The following KLK8 variants were observed in gnomAD, a reference collection of about 807,000 sequenced individuals.
KLK8 encodes the protein kallikrein related peptidase 8, also known as kallikrein-8.
In KLK8, 18 loss-of-function variants were observed where a neutral mutation model predicts 26.7. The observed-to-expected ratio is 0.67, with a 90% CI of 0.47 to 1.00. KLK8 has a LOEUF of 1.00. Among genes scored for constraint, KLK8 ranks in the 50% least tolerant of loss-of-function variants. The pLI is 0.00. For missense variants in KLK8, 301 were observed against 331.7 expected, an observed-to-expected ratio of 0.91 and a Z score of 0.72; for synonymous variants, 137 against 127.1, an observed-to-expected ratio of 1.08 and a Z score of -0.52.
Position 50,997,839 on chromosome 19 carries a change from G to A in KLK8, c.539C>T (p.Pro180Leu), listed in dbSNP as rs548525957. The A allele has an allele frequency of 9.3e-6, 15 of 1,614,138 alleles. No homozygotes were observed. The South Asian group carries it at 1.3e-4, about 14-fold the overall frequency. ...GTAAGCATCCTCACACTTCTTCTGG[G>A]GAAAGATTTTTACTTCTGCACAGTT... is the stretch of plus-strand genomic sequence containing the variant. Residue 180 changes from proline to leucine, a missense_variant, in exon 6 of 7, where the codon CCC becomes CTC. Pro to Leu is a moderately conservative substitution (Grantham distance 98). Coordinates refer to ENST00000600767, the Ensembl canonical transcript of KLK8.
chr19:50,997,645 C>T (rs1654539), intron 6 of KLK8, 106 bp downstream of exon 5: 594,280 of 1,365,966 alleles, frequency 0.44, 133,606 homozygotes, highest in African/African-American at 0.63. Flanking sequence ...CTCCGGGTGC[C>T]AAGTCTTTGG....
At chr19:50,997,990 CA>C in intron 5 of KLK8, 106 bp from the exon 5 acceptor site, 1 of 1,421,594 alleles carries the variant, frequency 7.0e-7, no homozygotes, top group Non-Finnish European at 9.7e-7. Context: ...GGGAGTTTTC[CA>C]GCTGCATGGG....
At chr19:51,000,331 A>G in intron 4 of KLK8, 73 bp from the exon 4 acceptor site, 1 of 1,533,496 alleles carries the variant, frequency 6.5e-7, no homozygotes, top group Non-Finnish European at 8.8e-7. Context: ...CAGACCCAGG[A>G]GTCCAGTCCT....
chr19:51,001,311 G>C (rs2091224454), intron 2 of KLK8, 136 bp from the exon 2 acceptor site: 10 of 698,028 alleles, frequency 1.4e-5, no homozygotes, highest in Non-Finnish European at 2.2e-5. Flanking sequence ...AGGAGGCTGG[G>C]GGACTGGATT....
chr19:50,996,748 G>T (rs906187232), intron 6 of KLK8, among the ~76,000 whole-genome samples: 3 of 86,930 alleles, frequency 3.5e-5, no homozygotes, highest in African/African-American at 1.0e-4. Flanking sequence ...AAAAAAAAAA[G>T]AGTTCTCGAG....
At chr19:50,998,239 G>A (rs1476088693) in intron 5 of KLK8, among the ~76,000 whole-genome samples, 1 of 152,066 alleles carries the variant, frequency 6.6e-6, no homozygotes, top group African/African-American at 2.4e-5. Context: ...TCCTCAATCT[G>A]TGCTAAATCC....
chr19:50,998,004 A>G, intron 5 of KLK8, 120 bp from the exon 5 acceptor site: 1 of 1,260,110 alleles, frequency 7.9e-7, no homozygotes, highest in Non-Finnish European at 1.1e-6. Flanking sequence ...TGCATGGGGG[A>G]ATTTTCTGAC....
In KLK8 at chr19:50,996,232, G is replaced by A. The variant is rs1324499531; in HGVS notation, c.628-18C>T. The A allele has an allele frequency of 6.2e-7, 1 of 1,611,926 alleles. No homozygotes were observed. Among genetic ancestry groups the A allele is most frequent in the Admixed American group, 1.7e-5 (1 of 59,858 alleles). ...GAATCGCCCTAGACAGGGAGAATGA[G>A]AACAGCCTTGCATCTGAGATGTCCA... On this transcript the variant is annotated intron_variant, in intron 6 of 6. Coordinates refer to ENST00000600767, the Ensembl canonical transcript of KLK8.
intron 6 of KLK8, among the ~76,000 whole-genome samples, chr19:50,997,549 T>A (rs2091181543): frequency 6.6e-6 from 1 of 152,082 alleles, no homozygotes; most frequent in Non-Finnish European, 1.5e-5. Flanking sequence ...AATTCAATGC[T>A]CCTAATCCCT....
At chr19:50,998,088 T>C in intron 5 of KLK8, 1 of 575,846 alleles carries the variant, frequency 1.7e-6, no homozygotes, top group Non-Finnish European at 3.0e-6. Context: ...TTTCTCCATC[T>C]AGAGAGGGGC....
chr19:50,996,084 T>C lies in KLK8; in HGVS notation c.758A>G (p.Lys253Arg), dbSNP rs201515524. ...TCAGCCCTTGCTGCCTATGATCTTC[T>C]TGATCCAGTCCAGGTAGCGGCAGAT... Residue 253 changes from lysine (K) to arginine (R), a missense_variant, in exon 7 of 7, where the codon AAG becomes AGG. By Grantham distance (26) the Lys-to-Arg change is conservative. Transcript: ENST00000600767. 18 of 1,614,100 alleles carry C rather than the reference T, an allele frequency of 1.1e-5. No homozygotes were observed. Among genetic ancestry groups the C allele is most frequent in the Non-Finnish European group, 1.3e-5 (15 of 1,180,042 alleles).
intron 3 of KLK8, 74 bp from the exon 3 acceptor site, chr19:51,000,657 C>A (rs1347196601): frequency 6.3e-7 from 1 of 1,586,762 alleles, no homozygotes; most frequent in African/African-American, 1.3e-5. Context: ...ACTGTGGGTT[C>A]AAATGGACAC....
At chr19:51,001,106 G>C in exon 3 of KLK8, 4 of 1,612,146 alleles carry the variant, frequency 2.5e-6, no homozygotes, top group African/African-American at 1.3e-5. Context: ...ACCTGCCCAG[G>C]CTCCCCCCAG....
chr19:50,996,199 G>A (rs1191863849), exon 7 of KLK8: 1 of 1,614,028 alleles, frequency 6.2e-7, no homozygotes, highest in Non-Finnish European at 8.5e-7. Flanking sequence ...CACACCAGGG[G>A]GCCTCCAGAA....
At chr19:50,999,417 A>G (rs956227513) in intron 5 of KLK8, among the ~76,000 whole-genome samples, 2 of 151,334 alleles carry the variant, frequency 1.3e-5, no homozygotes, top group African/African-American at 2.4e-5. Context: ...CTGTCTCTAC[A>G]ACAAATACAA....
At position 51,001,191 on chromosome 19, in the gene KLK8, G is replaced by A; in HGVS notation, c.-8-16C>T. The A allele has an allele frequency of 6.2e-7, 1 of 1,606,884 alleles. No individual in the cohort carries two copies. The highest frequency in any genetic ancestry group is 8.5e-7 in the Non-Finnish European group (1 of 1,176,604). ...ATGGTGAGGTCTGGGAAATGGAGAG[G>A]GCGGGGCCGGTAAACAGGAAGGAGG... On this transcript the variant is annotated splice_polypyrimidine_tract_variant and intron_variant, in intron 2 of 6. Coordinates refer to ENST00000600767, the Ensembl canonical transcript of KLK8.
intron 5 of KLK8, 192 bp from the exon 5 acceptor site, chr19:50,998,076 G>C (rs2091187119): frequency 1.6e-6 from 1 of 625,834 alleles, no homozygotes; most frequent in Non-Finnish European, 2.7e-6. Context: ...TTGCTATTGG[G>C]CTTTCTCCAT....
At position 50,996,311 on chromosome 19, in the gene KLK8, G is replaced by A. The variant is rs73597589; in HGVS notation, c.628-97C>T. 5.7e-3 allele frequency: 7,814 copies of A among 1,359,036 alleles called. 286 individuals carry two copies. In the African/African-American group the frequency reaches 0.089, roughly 16 times the overall value. The allele number at this position is 1,359,036 out of a possible 1,614,324, so 84.2% of individuals were successfully genotyped here. ...TTTTACCAGTTCTTTGGCATGATTG[G>A]TCCCCTGTAGCCAATGGGGGTAAAA... is the stretch of plus-strand genomic sequence containing the variant. On this transcript the variant is annotated intron_variant, in intron 6 of 6. Transcript: ENST00000600767.
At chr19:50,996,983 C>CA (rs2091176297) in intron 6 of KLK8, among the ~76,000 whole-genome samples, 1 of 151,646 alleles carries the variant, frequency 6.6e-6, no homozygotes, top group South Asian at 2.1e-4. Flanking sequence ...TGGAAGAGAC[C>CA]ACTATCTCTA....
Sources: gnomAD v4.1 joint callset for allele counts (sites outside exome capture counted in the v4.1 genomes callset) on GRCh38, gnomAD v4.1.1 for gene constraint, MANE v1.5 for transcripts, NCBI Gene and HGNC (gene_info 2026-07-23, HGNC 2026-07-21) for gene names.